SGO2: variants seen among roughly 807,000 people sequenced by gnomAD.
The protein encoded by SGO2 is shugoshin 2, also known as shugoshin-like 2.
In SGO2, 68 loss-of-function variants were observed where a neutral mutation model predicts 99.5. That is an observed-to-expected ratio of 0.68 (90% CI 0.56 to 0.84). The LOEUF is 0.84. SGO2 is among the 40% of genes least tolerant of loss of function. The pLI, the probability that SGO2 is intolerant of heterozygous loss-of-function variation, is 0.00. For synonymous variants in SGO2, 457 were observed against 487.1 expected, an observed-to-expected ratio of 0.94 and a Z score of 0.81; for missense variants, 1,350 against 1,436.7, an observed-to-expected ratio of 0.94 and a Z score of 0.97.
intron 1 of SGO2, chr2:200,532,364 TACATGGCTCA>T: frequency 4.1e-6 from 4 of 983,374 alleles, no homozygotes; most frequent in Non-Finnish European, 3.6e-6. Flanking sequence ...AGGTTGGTCT[TACATGGCTCA>T]ACATCAACTG....
At position 200,570,861 on chromosome 2, in the gene SGO2, A is replaced by G. The variant is rs1257027630; in HGVS notation, c.704-189A>G. On this transcript the variant is annotated intron_variant, in intron 6 of 8. Coordinates refer to ENST00000357799, the MANE Select transcript of SGO2 (RefSeq NM_152524.6). This position sits in a 1 kb window ranked among gnomAD's most constrained non-coding sequence, Gnocchi z 4.4. ...TCTGTAGATACAAATGTAAAATGTG[A>G]TTTAGGAGTATTCATCATTTCTAAC... 2.0e-5 allele frequency among the ~76,000 whole-genome samples: 3 copies of G among 151,972 alleles called. No homozygotes were observed. Among genetic ancestry groups the G allele is most frequent in the African/African-American group, 7.2e-5 (3 of 41,426 alleles).
chr2:200,564,146 T>C (rs2033091513), intron 5 of SGO2, among the ~76,000 whole-genome samples: 1 of 152,242 alleles, frequency 6.6e-6, no homozygotes, highest in Non-Finnish European at 1.5e-5. Context: ...CTTTTAATTG[T>C]GATGTTAGGG....
intron 5 of SGO2, among the ~76,000 whole-genome samples, chr2:200,568,841 G>C (rs768136751): frequency 4.6e-5 from 7 of 152,028 alleles, no homozygotes; most frequent in Non-Finnish European, 8.8e-5. Context: ...AGAATTTATA[G>C]TCATTATGTT....
rs1450772561 is a variant in SGO2, at chr2:200,534,980, A to T, written c.134-16A>T. The stretch of plus-strand genomic sequence containing the variant: ...TATAAGCTGAATATTAACTCATTTT[A>T]AAAATCTTTTTACAGATAATTCTTC... On this transcript the variant is annotated splice_polypyrimidine_tract_variant and intron_variant, in intron 2 of 8. Transcript: ENST00000357799. 2.7e-6 allele frequency: 4 copies of T among 1,490,296 alleles called. No individual in the cohort carries two copies. The highest frequency in any genetic ancestry group is 3.6e-6 in the Non-Finnish European group (4 of 1,124,950). 92.3% of individuals were successfully genotyped at this position (1,490,296 alleles called of 1,614,324 possible). A position where few individuals can be genotyped will look rare whatever the true frequency, so the allele number is the denominator to read the frequency against.
rs570294962 is a variant in SGO2, at chr2:200,547,361, G to A, written c.473+4697G>A. ...GCTGAGGAAATTCACCACCACCAAG[G>A]ACCATCTTGTGAGAAATGCAGAAGG... On this transcript the variant is annotated intron_variant, in intron 5 of 8. Transcript: ENST00000357799. Among the ~76,000 whole-genome samples the A allele has an allele frequency of 1.5e-3, 230 of 152,246 alleles. 1 individual carries two copies. The highest frequency in any genetic ancestry group is 5.2e-3 in the African/African-American group (216 of 41,542).
In SGO2 at chr2:200,572,273, A is replaced by T. The variant is rs752827086; in HGVS notation, c.1927A>T (p.Lys643Ter). 6.2e-7 allele frequency: 1 copy of T among 1,610,746 alleles called. No homozygotes were observed. Among genetic ancestry groups the T allele is most frequent in the Non-Finnish European group, 8.5e-7 (1 of 1,179,082 alleles). The change falls in exon 7 of 9, where the codon AAA (lysine) becomes TAA (stop). Residue 643 changes from lysine to a stop codon, truncating the protein, a stop_gained. Coordinates refer to ENST00000357799, the MANE Select transcript of SGO2 (RefSeq NM_152524.6). LOFTEE classifies it high-confidence loss of function. ...TAAAGATGTGGTGCATGGCCTAAAA[A>T]AAGGTAATTTTTTTTTCAAAACCCA... ...NDKDVVHGLK[K>*]GNFFFKTQED...
At chr2:200,561,961 T>C (rs1317851643) in intron 5 of SGO2, among the ~76,000 whole-genome samples, 4 of 152,160 alleles carry the variant, frequency 2.6e-5, no homozygotes, top group Non-Finnish European at 5.9e-5. Flanking sequence ...TATTAGCCCT[T>C]TGTCAGATGA....
rs1574875411 is a variant in SGO2, at chr2:200,570,298, A to G, written c.703+406A>G. On this transcript the variant is annotated intron_variant, in intron 6 of 8. Transcript: ENST00000357799. This position sits in a 1 kb window ranked among gnomAD's most constrained non-coding sequence, Gnocchi z 4.4. ...TAATTAATGGTAAAGCAAAAACTTG[A>G]GTCTGGGTAATGGTTGAGCAAGAAA... 6.6e-6 allele frequency among the ~76,000 whole-genome samples: 1 copy of G among 152,048 alleles called. No homozygotes were observed. Among genetic ancestry groups the G allele is most frequent in the Non-Finnish European group, 1.5e-5 (1 of 67,870 alleles).
chr2:200,571,337 G>T lies in SGO2; in HGVS notation c.991G>T (p.Gly331Cys). 6.2e-7 allele frequency: 1 copy of T among 1,612,758 alleles called. No homozygotes were observed. Among genetic ancestry groups the T allele is most frequent in the Non-Finnish European group, 8.5e-7 (1 of 1,179,046 alleles). The change falls in exon 7 of 9, where the codon GGC becomes TGC. Residue 331 changes from glycine (G) to cysteine (C), a missense_variant. By Grantham distance (159) the Gly-to-Cys change is radical. Transcript: ENST00000357799. Reference sequence around the variant, plus strand: ...GCAAAGAAATAAACAGGATCTTCCTGGCTTATCTTCTGAGTCTGCCAGAGA... The same window carrying T: ...GCAAAGAAATAAACAGGATCTTCCTTGCTTATCTTCTGAGTCTGCCAGAGA... ...EMQRNKQDLP[G>C]LSSESAREPN... is the part of the protein sequence containing the mutation.
At chr2:200,548,994 C>T (rs980166509) in intron 5 of SGO2, among the ~76,000 whole-genome samples, 55 of 152,314 alleles carry the variant, frequency 3.6e-4, no homozygotes, top group African/African-American at 1.2e-3. Context: ...CAGTGGGTCA[C>T]ACCTATAATC....
intron 5 of SGO2, among the ~76,000 whole-genome samples, chr2:200,556,680 C>T (rs1251025269): frequency 6.6e-6 from 1 of 152,194 alleles, no homozygotes; most frequent in Non-Finnish European, 1.5e-5. Flanking sequence ...AAGCCTTCGC[C>T]AGTAAGCTAC....
rs1373368575 is a variant in SGO2 at position 200,575,730 on chromosome 2, A to ATAC, written c.3782+271_3782+273dup. 2.6e-5 allele frequency among the ~76,000 whole-genome samples: 4 copies of ATAC among 152,184 alleles called. No homozygotes were observed. In the South Asian group the frequency reaches 8.3e-4, roughly 32 times the overall value. On this transcript the variant is annotated intron_variant, in intron 8 of 8. Transcript: ENST00000357799. ...CTGTCATATTTTAAATTGTAGCCTGATACTTATAATTTTTAAAATTTGTGG... is the reference window on the plus strand; with the variant it reads ...CTGTCATATTTTAAATTGTAGCCTGATACTACTTATAATTTTTAAAATTTGTGG...
intron 4 of SGO2, among the ~76,000 whole-genome samples, chr2:200,542,322 A>G (rs1259283018): frequency 6.6e-6 from 1 of 152,220 alleles, no homozygotes; most frequent in African/African-American, 2.4e-5. Context: ...GTGTAGGTAT[A>G]GTCATGTATT....
Position 200,571,636 on chromosome 2 carries a change from A to G in SGO2, c.1290A>G (p.Glu430=), listed in dbSNP as rs778560440. 1.2e-6 allele frequency: 2 copies of G among 1,613,314 alleles called. No individual in the cohort carries two copies. Among genetic ancestry groups the G allele is most frequent in the South Asian group, 2.2e-5 (2 of 90,862 alleles). Residue 430 remains glutamate (E), a synonymous_variant, in exon 7 of 9, where the codon GAA becomes GAG. Transcript: ENST00000357799. Reference sequence around the variant, plus strand: ...ATGTCGATATTGGGGAAAAGATTGAAAACAGGACAGAAAGATCTGATGTCC... The same window carrying G: ...ATGTCGATATTGGGGAAAAGATTGAGAACAGGACAGAAAGATCTGATGTCC... ...SSDVDIGEKI[E]NRTERSDVLD...
rs568084880 is a variant in SGO2 at position 200,561,744 on chromosome 2, C to T, written c.474-7919C>T. Among the ~76,000 whole-genome samples, 341 of 151,868 alleles carry T rather than the reference C, an allele frequency of 2.2e-3. 3 individuals are homozygous for T. Among genetic ancestry groups the T allele is most frequent in the African/African-American group, 7.1e-3 (295 of 41,450 alleles). ...TGTTGTTTCCTGACTTTTTAATGAT[C>T]GCCATTCTAACTGGTGTGAGATGGT... On this transcript the variant is annotated intron_variant, in intron 5 of 8. Transcript: ENST00000357799.
chr2:200,546,426 C>G (rs1349318952), intron 5 of SGO2, among the ~76,000 whole-genome samples: 1 of 129,266 alleles, frequency 7.7e-6, no homozygotes, highest in Non-Finnish European at 1.7e-5. Context: ...ACAGGCTGGA[C>G]AAAGAAAACT....
intron 5 of SGO2, among the ~76,000 whole-genome samples, chr2:200,556,529 G>A (rs1476640896): frequency 6.6e-6 from 1 of 152,108 alleles, no homozygotes; most frequent in East Asian, 1.9e-4. Flanking sequence ...CTCAGAGAAA[G>A]GAAGATTCAC....
intron 5 of SGO2, among the ~76,000 whole-genome samples, chr2:200,548,577 C>T (rs1361686800): frequency 6.6e-6 from 1 of 151,998 alleles, no homozygotes; most frequent in Non-Finnish European, 1.5e-5. Context: ...AAGAACAAAG[C>T]AAATCCCAAG....
At chr2:200,574,087 T>A in intron 7 of SGO2, 110 bp downstream of exon 7, 1 of 789,820 alleles carries the variant, frequency 1.3e-6, no homozygotes, top group Non-Finnish European at 1.9e-6. Flanking sequence ...TTTATGGAAT[T>A]TAAAAACAAT....
Sources: allele counts gnomAD v4.1 joint callset (sites outside exome capture counted in the v4.1 genomes callset), GRCh38; gene constraint gnomAD v4.1.1; non-coding constraint Gnocchi (gnomAD v3.1); transcripts MANE v1.5; gene names NCBI Gene and HGNC (gene_info 2026-07-23, HGNC 2026-07-21).